ACYP2: variants seen among roughly 807,000 people sequenced by gnomAD.
The protein encoded by ACYP2 is acylphosphatase-2.
ACYP2 carries 12 observed loss-of-function variants against 11.2 expected under a neutral mutation model. That is an observed-to-expected ratio of 1.08 (90% CI 0.69 to 1.74). ACYP2 has a LOEUF of 1.74. ACYP2 is among the 40% of genes most tolerant of loss of function. ACYP2 has a pLI of 0.00. For missense variants in ACYP2, 134 were observed against 101.9 expected, an observed-to-expected ratio of 1.31 and a Z score of -1.35; for synonymous variants, 43 against 32.2, an observed-to-expected ratio of 1.33 and a Z score of -1.13.
intron 4 of ACYP2, among the ~76,000 whole-genome samples, chr2:54,074,795 G>A (rs1016174672): frequency 4.6e-5 from 7 of 152,120 alleles, no homozygotes; most frequent in Non-Finnish European, 8.8e-5. Flanking sequence ...TTGCACTTGC[G>A]GTCTAAAGGC....
chr2:54,149,830 C>T (rs1019908985), intron 6 of ACYP2, among the ~76,000 whole-genome samples: 5 of 152,102 alleles, frequency 3.3e-5, no homozygotes, highest in Non-Finnish European at 5.9e-5. Context: ...AAAACTATGT[C>T]ATAATACAAG....
intron 6 of ACYP2, among the ~76,000 whole-genome samples, chr2:54,269,157 A>G (rs994411809): frequency 1.3e-5 from 2 of 152,206 alleles, no homozygotes; most frequent in African/African-American, 4.8e-5. Context: ...TATGTTGCCC[A>G]GGCTAGTCTT....
intron 6 of ACYP2, among the ~76,000 whole-genome samples, chr2:54,267,838 G>T (rs1403432603): frequency 6.6e-6 from 1 of 152,166 alleles, no homozygotes; most frequent in Non-Finnish European, 1.5e-5. Context: ...AAAAGGTTCA[G>T]AGCTATCTTC....
At chr2:54,037,169 G>A (rs556578287) in intron 2 of ACYP2, among the ~76,000 whole-genome samples, 1 of 152,284 alleles carries the variant, frequency 6.6e-6, no homozygotes, top group African/African-American at 2.4e-5. Context: ...TTGGAGTGCA[G>A]TGGTGCAATC....
At chr2:54,087,714 A>G (rs745659262) in intron 4 of ACYP2, among the ~76,000 whole-genome samples, 1 of 152,198 alleles carries the variant, frequency 6.6e-6, no homozygotes, top group Non-Finnish European at 1.5e-5. Context: ...TTTCCTTAAA[A>G]GTATTGCTCA....
chr2:54,012,885 C>T (rs981504817), intron 2 of ACYP2, among the ~76,000 whole-genome samples: 1 of 152,110 alleles, frequency 6.6e-6, no homozygotes, highest in Non-Finnish European at 1.5e-5. Flanking sequence ...CAGTAGCCTA[C>T]AAGGCCCTGA....
chr2:54,214,911 C>T (rs6717823), intron 6 of ACYP2, among the ~76,000 whole-genome samples: 36,100 of 151,984 alleles, frequency 0.24, 4,475 homozygotes, highest in East Asian at 0.38. Context: ...TTGTTTGTAT[C>T]ATATCTGATG....
At chr2:54,065,437 A>C (rs1676696502) in intron 4 of ACYP2, 1 of 398,458 alleles carries the variant, frequency 2.5e-6, no homozygotes, top group East Asian at 3.6e-5. Flanking sequence ...TTGGATGACC[A>C]ATTGTATGTA....
chr2:54,259,168 G>A (rs1242493950), intron 6 of ACYP2, among the ~76,000 whole-genome samples: 1 of 152,168 alleles, frequency 6.6e-6, no homozygotes, highest in Non-Finnish European at 1.5e-5. Flanking sequence ...AAGCAGAGAT[G>A]GTGAAGGTTA....
chr2:53,972,229 G>A (rs1016396015), intron 1 of ACYP2, among the ~76,000 whole-genome samples: 5 of 150,934 alleles, frequency 3.3e-5, no homozygotes, highest in African/African-American at 9.8e-5. Flanking sequence ...AGAATCGCTT[G>A]AAACCGGAAG....
chr2:54,165,913 G>T (rs1193543179), intron 6 of ACYP2, among the ~76,000 whole-genome samples: 1 of 152,206 alleles, frequency 6.6e-6, no homozygotes, highest in Admixed American at 6.5e-5. Flanking sequence ...AGAAACCCAT[G>T]TAAGCATATT....
intron 6 of ACYP2, among the ~76,000 whole-genome samples, chr2:54,218,691 A>AGAGTGG (rs1685660713): frequency 7.9e-6 from 1 of 126,626 alleles, no homozygotes; most frequent in Non-Finnish European, 1.8e-5. Flanking sequence ...TAGGGGTGGT[A>AGAGTGG]TAGTGGTACT....
chr2:54,084,022 CA>C (rs1677811126), intron 4 of ACYP2, among the ~76,000 whole-genome samples: 1 of 152,158 alleles, frequency 6.6e-6, no homozygotes, highest in African/African-American at 2.4e-5. Flanking sequence ...CAAATATCCC[CA>C]AATATAAAAC....
In ACYP2 at chr2:54,114,147, CCAGATG is replaced by C. The variant is rs1368884431; in HGVS notation, c.278-21301_278-21296del. On this transcript the variant is annotated intron_variant, in intron 4 of 6. Transcript: ENST00000607452. ...GCAGTGGATTATTTTAACTGTGTGG[CCAGATG>C]CAGAGAAATATGCCAAGGTATTGAG... Among the ~76,000 whole-genome samples, 8 of 152,134 alleles carry C rather than the reference CCAGATG, an allele frequency of 5.3e-5. No homozygotes were observed. In the East Asian group the frequency reaches 7.7e-4, roughly 15 times the overall value.
At chr2:54,106,707 C>T (rs1481965176) in intron 4 of ACYP2, among the ~76,000 whole-genome samples, 1 of 152,112 alleles carries the variant, frequency 6.6e-6, no homozygotes, top group African/African-American at 2.4e-5. Flanking sequence ...CATCTGCCTC[C>T]TGAGTAGCTG....
chr2:54,189,339 C>T (rs890030028), intron 6 of ACYP2, among the ~76,000 whole-genome samples: 2 of 152,160 alleles, frequency 1.3e-5, no homozygotes, highest in East Asian at 3.9e-4. Flanking sequence ...CCCTCACCCT[C>T]CACCTAACCA....
At chr2:54,020,024 C>A (rs1411115801) in intron 2 of ACYP2, among the ~76,000 whole-genome samples, 2 of 151,974 alleles carry the variant, frequency 1.3e-5, no homozygotes, top group African/African-American at 4.8e-5. Flanking sequence ...CTCACTGCAA[C>A]CTCCTGGGTT....
intron 2 of ACYP2, among the ~76,000 whole-genome samples, chr2:54,047,971 G>C (rs1383121010): frequency 6.6e-6 from 1 of 152,148 alleles, no homozygotes; most frequent in African/African-American, 2.4e-5. Context: ...AGCCAAGGCT[G>C]GTTCCATGGT....
chr2:54,027,971 T>A (rs1484506419), intron 2 of ACYP2, among the ~76,000 whole-genome samples: 1 of 151,746 alleles, frequency 6.6e-6, no homozygotes, highest in African/African-American at 2.4e-5. Flanking sequence ...GCCTCCCAAG[T>A]AGCTGGGGTT....
Sources: allele counts gnomAD v4.1 joint callset (sites outside exome capture counted in the v4.1 genomes callset), GRCh38; gene constraint gnomAD v4.1.1; transcripts MANE v1.5; gene names NCBI Gene and HGNC (gene_info 2026-07-23, HGNC 2026-07-21).